EYS: variants seen among roughly 807,000 people sequenced by gnomAD.
The protein encoded by EYS is EGF-like photoreceptor maintenance factor.
EYS carries 250 observed loss-of-function variants against 282.1 expected under a neutral mutation model. That is an observed-to-expected ratio of 0.89 (90% CI 0.80 to 0.98). The LOEUF is 0.98. EYS is among the 50% of genes least tolerant of loss of function. EYS has a pLI of 0.00. For missense variants in EYS, 4,016 were observed against 3,709.0 expected (o/e 1.08, Z -2.15); for synonymous variants, 1,355 against 1,282.9 (o/e 1.06, Z -1.20).
intron 5 of EYS, among the ~76,000 whole-genome samples, chr6:65,443,010 A>T (rs1430671957): frequency 6.7e-6 from 1 of 149,208 alleles, no homozygotes; most frequent in Non-Finnish European, 1.5e-5. Flanking sequence ...ATATGTACAC[A>T]TATCTGTAAA....
At chr6:64,419,366 T>C (rs142313497) in intron 28 of EYS, among the ~76,000 whole-genome samples, 3 of 152,152 alleles carry the variant, frequency 2.0e-5, no homozygotes, top group African/African-American at 7.2e-5. Context: ...CACAGCCAAA[T>C]CATATCATTC....
chr6:64,644,975 T>G (rs1664152390), intron 22 of EYS, among the ~76,000 whole-genome samples: 1 of 152,224 alleles, frequency 6.6e-6, no homozygotes, highest in African/African-American at 2.4e-5. Flanking sequence ...TGTAAAATTT[T>G]ATTGTTTTTT....
chr6:65,194,853 GTT>G (rs34946669), intron 12 of EYS, among the ~76,000 whole-genome samples: 1 of 142,768 alleles, frequency 7.0e-6, no homozygotes. Flanking sequence ...TTTGCCAGTT[GTT>G]TTTTTTTTTT....
chr6:64,655,010 T>G (rs1447646349), intron 22 of EYS, among the ~76,000 whole-genome samples: 3 of 152,144 alleles, frequency 2.0e-5, no homozygotes, highest in African/African-American at 4.8e-5. Flanking sequence ...CAGCCATAAT[T>G]TTTAGCTTAA....
At chr6:65,306,816 G>A (rs1291875442) in intron 11 of EYS, among the ~76,000 whole-genome samples, 2 of 67,076 alleles carry the variant, frequency 3.0e-5, no homozygotes, top group African/African-American at 1.0e-4. Flanking sequence ...CTGGGCAGCA[G>A]AGCAAGAGTC....
At chr6:64,156,000 GTGTGTGTA>G (rs961501920) in intron 31 of EYS, among the ~76,000 whole-genome samples, 8 of 150,494 alleles carry the variant, frequency 5.3e-5, no homozygotes, top group African/African-American at 1.5e-4. Context: ...ATGTGTGTGT[GTGTGTGTA>G]TGTGTGTATG....
intron 2 of EYS, among the ~76,000 whole-genome samples, chr6:65,521,043 A>T (rs1207767243): frequency 6.6e-6 from 1 of 152,196 alleles, no homozygotes; most frequent in South Asian, 2.1e-4. Context: ...ACACCAAAAA[A>T]TTATTACAAT....
chr6:63,923,009 T>C (rs1312536196), intron 35 of EYS, among the ~76,000 whole-genome samples: 1 of 152,198 alleles, frequency 6.6e-6, no homozygotes, highest in Admixed American at 6.5e-5. Flanking sequence ...ACTCGAATGG[T>C]GTCTGGGGTC....
At chr6:64,104,573 T>C (rs1443049003) in intron 31 of EYS, among the ~76,000 whole-genome samples, 1 of 152,092 alleles carries the variant, frequency 6.6e-6, no homozygotes, top group Admixed American at 6.6e-5. Flanking sequence ...ATGATAGTAG[T>C]TTACTTTGTT....
At chr6:64,989,519 AATT>A (rs1450769794) in intron 14 of EYS, among the ~76,000 whole-genome samples, 2 of 137,466 alleles carry the variant, frequency 1.5e-5, no homozygotes, top group Non-Finnish European at 3.1e-5. Context: ...TAATACATAA[AATT>A]ATAATATATA....
At chr6:64,082,705 G>A (rs888361745) in intron 31 of EYS, among the ~76,000 whole-genome samples, 1 of 151,956 alleles carries the variant, frequency 6.6e-6, no homozygotes, top group East Asian at 1.9e-4. Context: ...AATATGCAAG[G>A]TTATTAGTTT....
At chr6:63,816,083 GT>G (rs529053934) in intron 36 of EYS, among the ~76,000 whole-genome samples, 14 of 152,214 alleles carry the variant, frequency 9.2e-5, no homozygotes, top group African/African-American at 3.4e-4. Context: ...ACCACATGAT[GT>G]TTCAAAAGCA....
intron 7 of EYS, among the ~76,000 whole-genome samples, chr6:65,398,372 G>T (rs1036228861): frequency 2.5e-4 from 38 of 151,862 alleles, no homozygotes; most frequent in African/African-American, 8.7e-4. Flanking sequence ...ATACATTGGG[G>T]AAAGAACATC....
intron 31 of EYS, among the ~76,000 whole-genome samples, chr6:64,085,338 GCGCA>G (rs1772117294): frequency 2.7e-4 from 23 of 85,592 alleles, no homozygotes; most frequent in African/African-American, 9.6e-4. Context: ...GCACGTGCGC[GCGCA>G]CACACACACA....
At chr6:64,829,575 A>G (rs1765155574) in intron 19 of EYS, among the ~76,000 whole-genome samples, 1 of 152,000 alleles carries the variant, frequency 6.6e-6, no homozygotes, top group Non-Finnish European at 1.5e-5. Flanking sequence ...ACAACAAAGC[A>G]TAGTAGCAAT....
chr6:63,792,095 G>A (rs571979597), intron 37 of EYS, among the ~76,000 whole-genome samples: 8 of 151,858 alleles, frequency 5.3e-5, no homozygotes, highest in Non-Finnish European at 1.0e-4. Flanking sequence ...CATGGAGTTA[G>A]GACCCTAGGA....
intron 5 of EYS, among the ~76,000 whole-genome samples, chr6:65,432,631 G>A (rs1266243368): frequency 6.6e-6 from 1 of 152,110 alleles, no homozygotes; most frequent in Non-Finnish European, 1.5e-5. Context: ...AGGAAAGGAG[G>A]TCAGACAATT....
chr6:64,653,730 A>ATTTTTTTTTT (rs10680654), intron 22 of EYS, among the ~76,000 whole-genome samples: 1 of 136,898 alleles, frequency 7.3e-6, no homozygotes, highest in Non-Finnish European at 1.6e-5. Flanking sequence ...ATGCCCAGCT[A>ATTTTTTTTTT]TTTTTTTTTT....
chr6:63,984,493 G>A lies in EYS; in HGVS notation c.6945C>T (p.Asn2315=). 1 of 1,549,452 alleles carries A rather than the reference G, an allele frequency of 6.5e-7. No homozygotes were observed. Among genetic ancestry groups the A allele is most frequent in the Non-Finnish European group, 8.7e-7 (1 of 1,145,342 alleles). The part of the protein sequence containing the change: ...FRGCILDLQV[N]NKEFFIIDEA... The stretch of plus-strand genomic sequence containing the variant: ...CATCGATGATGAAGAATTCTTTGTT[G>A]TTTACTTGAAGGTCTAGAATGCAGC... Residue 2315 remains asparagine, a synonymous_variant, in exon 35 of 43, where the codon AAC becomes AAT. Coordinates refer to ENST00000503581, the MANE Select transcript of EYS (RefSeq NM_001142800.2).
Sources: allele counts gnomAD v4.1 joint callset (sites outside exome capture counted in the v4.1 genomes callset), GRCh38; gene constraint gnomAD v4.1.1; transcripts MANE v1.5; gene names NCBI Gene and HGNC (gene_info 2026-07-23, HGNC 2026-07-21).